Variants in GRM4 observed in about 807,000 individuals in gnomAD.
GRM4 encodes glutamate metabotropic receptor 4.
A neutral mutation model predicts 81.7 loss-of-function variants in GRM4; 28 were observed. The observed-to-expected ratio is 0.34, with a 90% CI of 0.25 to 0.47. The LOEUF (loss-of-function observed/expected upper bound fraction) is 0.47, where lower values mean the gene tolerates loss of function less well. Ranked by LOEUF, GRM4 falls within the 20% of genes least tolerant of loss-of-function variation. GRM4 has a pLI of 1.00. For synonymous variants in GRM4, 488 were observed against 528.8 expected (o/e 0.92, Z 1.06); for missense variants, 948 against 1,290.0 (o/e 0.73, Z 4.06).
Position 34,040,979 on chromosome 6 carries a change from G to A in GRM4, c.1169-231C>T, listed in dbSNP as rs532904568. On this transcript the variant is annotated intron_variant, in intron 6 of 10. Coordinates refer to ENST00000538487, the MANE Select transcript of GRM4 (RefSeq NM_000841.4). The stretch of plus-strand genomic sequence containing the variant: ...GGGAGGGTCCACCGGCCTGGACACC[G>A]TACCACTGATGCCTGTGCCACCCAA... Among the ~76,000 whole-genome samples, 72 of 152,304 alleles carry A rather than the reference G, an allele frequency of 4.7e-4. 1 individual carries two copies. The highest frequency in any genetic ancestry group is 1.6e-3 in the African/African-American group (68 of 41,568).
chr6:34,069,869 C>T lies in GRM4; in HGVS notation c.737-7841G>A, dbSNP rs1358287773. On this transcript the variant is annotated intron_variant, in intron 3 of 10. Transcript: ENST00000538487. This position sits in a 1 kb window ranked among gnomAD's most constrained non-coding sequence, Gnocchi z 6.4. ...TCTGCCAGGAGCACCCCCACCTCAGCTGCTCAGCCACCCTCTAGCTCCCCA... is the reference window on the plus strand; with the variant it reads ...TCTGCCAGGAGCACCCCCACCTCAGTTGCTCAGCCACCCTCTAGCTCCCCA... Among the ~76,000 whole-genome samples, 1 of 152,204 alleles carries T rather than the reference C, an allele frequency of 6.6e-6. No homozygotes were observed. Among genetic ancestry groups the T allele is most frequent in the Non-Finnish European group, 1.5e-5 (1 of 68,034 alleles).
chr6:34,101,808 C>A (rs560735100), intron 2 of GRM4, among the ~76,000 whole-genome samples: 4 of 152,254 alleles, frequency 2.6e-5, no homozygotes. Flanking sequence ...GTCTCCCAGA[C>A]GAGATGAAAT....
chr6:34,073,005 TACAC>T (rs1767054213), intron 3 of GRM4, among the ~76,000 whole-genome samples: 1 of 17,928 alleles, frequency 5.6e-5, no homozygotes, highest in Non-Finnish European at 1.2e-4. Flanking sequence ...ATCACACAGA[TACAC>T]ACCACACACA....
At chr6:34,132,177 G>C (rs1193431274) in intron 2 of GRM4, among the ~76,000 whole-genome samples, 1 of 152,206 alleles carries the variant, frequency 6.6e-6, no homozygotes, top group East Asian at 1.9e-4. Flanking sequence ...GCGGCAAGGA[G>C]GGGGCTGGGA....
At position 34,070,239 on chromosome 6, in the gene GRM4, C is replaced by T. The variant is rs575263902; in HGVS notation, c.737-8211G>A. Among the ~76,000 whole-genome samples the T allele has an allele frequency of 6.6e-6, 1 of 152,272 alleles. No individual in the cohort carries two copies. Among genetic ancestry groups the T allele is most frequent in the East Asian group, 1.9e-4 (1 of 5,162 alleles). On this transcript the variant is annotated intron_variant, in intron 3 of 10. Transcript: ENST00000538487. This position sits in a 1 kb window ranked among gnomAD's most constrained non-coding sequence, Gnocchi z 4.6. ...GCCTGGCATCTACTTTGCTCTGGTCCACAGTGATACTCTGTGCTCAGCGTC... is the reference window on the plus strand; with the variant it reads ...GCCTGGCATCTACTTTGCTCTGGTCTACAGTGATACTCTGTGCTCAGCGTC...
intron 3 of GRM4, among the ~76,000 whole-genome samples, chr6:34,077,813 C>A (rs962345125): frequency 1.3e-5 from 2 of 152,202 alleles, no homozygotes; most frequent in Non-Finnish European, 2.9e-5. Flanking sequence ...CTCCAGGAAG[C>A]CTTTATGGGT....
intron 6 of GRM4, chr6:34,054,861 A>G (rs920411092): frequency 2.0e-5 from 3 of 152,212 alleles, no homozygotes; most frequent in African/African-American, 7.2e-5. Flanking sequence ...GGCACTTCCA[A>G]GAACCGAAGG....
chr6:34,136,605 C>CACACACACACACAA lies in GRM4; in HGVS notation c.-363-2747_-363-2746insTTGTGTGTGTGTGT, dbSNP rs3223087. On this transcript the variant is annotated intron_variant, in intron 1 of 10. Coordinates refer to ENST00000538487, the MANE Select transcript of GRM4 (RefSeq NM_000841.4). The surrounding 1 kb of genome is among the most constrained non-coding windows in gnomAD (Gnocchi z 4.1). ...ACACACACACACACACACACACACA[C>CACACACACACACAA]GGGGAAGGACAGATGCCATGGGGGA... is the stretch of plus-strand genomic sequence containing the variant. 1.3e-5 allele frequency among the ~76,000 whole-genome samples: 2 copies of CACACACACACACAA among 148,558 alleles called. No individual in the cohort carries two copies. Among genetic ancestry groups the CACACACACACACAA allele is most frequent in the African/African-American group, 4.9e-5 (2 of 40,644 alleles).
At chr6:34,099,958 C>G in intron 2 of GRM4, 2 of 679,080 alleles carry the variant, frequency 2.9e-6, no homozygotes, top group Non-Finnish European at 3.6e-6. Context: ...GCCACAGACC[C>G]TCCGGGAATT....
At chr6:34,148,378 T>TCA (rs371128708), upstream of GRM4, among the ~76,000 whole-genome samples, 6,150 of 108,414 alleles carry the variant, frequency 0.057, 304 homozygotes, top group African/African-American at 0.17. Context: ...AAACACAGAC[T>TCA]CACACACACA....
chr6:34,140,904 T>C (rs1770660376), intron 1 of GRM4, among the ~76,000 whole-genome samples: 1 of 152,192 alleles, frequency 6.6e-6, no homozygotes, highest in Non-Finnish European at 1.5e-5. Flanking sequence ...CTGCACCGCA[T>C]GAATATAACT....
chr6:34,023,414 T>C (rs576841084), intron 10 of GRM4, among the ~76,000 whole-genome samples: 13 of 151,658 alleles, frequency 8.6e-5, no homozygotes, highest in Non-Finnish European at 1.3e-4. Flanking sequence ...GGGAAGAGAG[T>C]GGGGAACAGG....
rs1770348953 is a variant in GRM4 at position 34,133,844 on chromosome 6, C to T, written c.-348G>A. 3 of 1,085,014 alleles carry T rather than the reference C, an allele frequency of 2.8e-6. No individual in the cohort carries two copies. Among genetic ancestry groups the T allele is most frequent in the South Asian group, 8.9e-5 (2 of 22,410 alleles). The allele number at this position is 1,085,014 out of a possible 1,614,324, so 67.2% of individuals were successfully genotyped here. A position where few individuals can be genotyped will look rare whatever the true frequency, so the allele number is the denominator to read the frequency against. On this transcript the variant is annotated 5_prime_UTR_variant, in exon 2 of 11. Coordinates refer to ENST00000538487, the MANE Select transcript of GRM4 (RefSeq NM_000841.4). This position sits in a 1 kb window ranked among gnomAD's most constrained non-coding sequence, Gnocchi z 6.5. ...CATCAAGGAGAAAACAGCTCCAATC[C>T]TCTCCTCCTACCAACCTTAGAAGGG... is the stretch of plus-strand genomic sequence containing the variant.
At chr6:34,051,190 C>G (rs1562026393) in intron 6 of GRM4, among the ~76,000 whole-genome samples, 2 of 152,158 alleles carry the variant, frequency 1.3e-5, no homozygotes, top group South Asian at 4.1e-4. Context: ...CAAAATGTCT[C>G]TGGAGCCAAA....
At chr6:34,110,209 G>C (rs938586090) in intron 2 of GRM4, among the ~76,000 whole-genome samples, 1 of 150,076 alleles carries the variant, frequency 6.7e-6, no homozygotes, top group East Asian at 2.0e-4. Context: ...TACGAGGATC[G>C]CTTGAGCCCG....
rs1163093125 is a variant in GRM4, at chr6:34,089,351, A to AT, written c.736+2531dup. Among the ~76,000 whole-genome samples, 1 of 147,834 alleles carries AT rather than the reference A, an allele frequency of 6.8e-6. No homozygotes were observed. Among genetic ancestry groups the AT allele is most frequent in the Admixed American group, 6.9e-5 (1 of 14,522 alleles). On this transcript the variant is annotated intron_variant, in intron 3 of 10. Coordinates refer to ENST00000538487, the MANE Select transcript of GRM4 (RefSeq NM_000841.4). This position sits in a 1 kb window ranked among gnomAD's most constrained non-coding sequence, Gnocchi z 4.3. ...TACTGGCTGCTCAATTCTGATTTCA[A>AT]TTTGGCCAGCTGAAGTGCAGCTCTC...
At chr6:34,044,199 C>T (rs930048148) in intron 6 of GRM4, among the ~76,000 whole-genome samples, 16 of 136,146 alleles carry the variant, frequency 1.2e-4, no homozygotes, top group Non-Finnish European at 2.0e-4. Context: ...TATACACACA[C>T]ATATATATAC....
chr6:34,043,753 A>T (rs1322005667), intron 6 of GRM4, among the ~76,000 whole-genome samples: 2 of 152,156 alleles, frequency 1.3e-5, no homozygotes. Context: ...CGAAGCCATC[A>T]GTATGGATGC....
At chr6:34,060,477 T>G (rs1466023659) in intron 4 of GRM4, 4 of 152,176 alleles carry the variant, frequency 2.6e-5, no homozygotes, top group Non-Finnish European at 4.4e-5. Flanking sequence ...GCTCTGGAAG[T>G]CAGTCTAGCT....
Sources: gnomAD v4.1 joint callset for allele counts (sites outside exome capture counted in the v4.1 genomes callset) on GRCh38, gnomAD v4.1.1 for gene constraint, Gnocchi (gnomAD v3.1) non-coding constraint, MANE v1.5 for transcripts, NCBI Gene and HGNC (gene_info 2026-07-23, HGNC 2026-07-21) for gene names.